The following CENPW variants were observed in gnomAD, a reference collection of about 807,000 sequenced individuals.
The protein encoded by CENPW is centromere protein W, also known as cancer-up-regulated gene 2 protein.
In CENPW, 3 loss-of-function variants were observed where a neutral mutation model predicts 11.1. The observed-to-expected ratio is 0.27, with a 90% CI of 0.12 to 0.70. The LOEUF (loss-of-function observed/expected upper bound fraction) is 0.70, where lower values mean the gene tolerates loss of function less well. Ranked by LOEUF, CENPW falls within the 30% of genes least tolerant of loss-of-function variation. The probability of loss-of-function intolerance (pLI) is 0.77; values close to 1 mark genes in which losing one functional copy is unlikely to be tolerated. For synonymous variants in CENPW, 38 were observed against 42.0 expected, an observed-to-expected ratio of 0.91 and a Z score of 0.37; for missense variants, 100 against 105.6, an observed-to-expected ratio of 0.95 and a Z score of 0.23.
At chr6:126,350,652 T>C (rs1780481120), downstream of CENPW, among the ~76,000 whole-genome samples, 1 of 152,184 alleles carries the variant, frequency 6.6e-6, no homozygotes, top group South Asian at 2.1e-4. Context: ...TATACATTTT[T>C]ATACTTTAAT....
At chr6:126,369,549 C>T in the CENPW span, among the ~76,000 whole-genome samples, 1 of 152,140 alleles carries the variant, frequency 6.6e-6, no homozygotes, top group Non-Finnish European at 1.5e-5. Flanking sequence ...AGCATTGTTT[C>T]ATATGTTTGT....
the CENPW span, among the ~76,000 whole-genome samples, chr6:126,432,571 A>T: frequency 1.3e-5 from 2 of 152,118 alleles, no homozygotes; most frequent in African/African-American, 4.8e-5. Context: ...GACTAATCTG[A>T]TTAGTGGTAG....
chr6:126,471,202 A>G, the CENPW span, among the ~76,000 whole-genome samples: 1 of 152,138 alleles, frequency 6.6e-6, no homozygotes, highest in Non-Finnish European at 1.5e-5. Flanking sequence ...GGAAGGTGAT[A>G]AAATTATGGG....
chr6:126,366,461 T>G, the CENPW span, among the ~76,000 whole-genome samples: 1 of 152,222 alleles, frequency 6.6e-6, no homozygotes, highest in Non-Finnish European at 1.5e-5. Flanking sequence ...CAGTAATCTA[T>G]GTACATTTTT....
At chr6:126,439,263 C>A in the CENPW span, among the ~76,000 whole-genome samples, 1 of 151,652 alleles carries the variant, frequency 6.6e-6, no homozygotes, top group African/African-American at 2.4e-5. Flanking sequence ...TGCTGCTTAT[C>A]TTTTAATTGG....
chr6:126,408,632 T>C, the CENPW span, among the ~76,000 whole-genome samples: 2 of 152,208 alleles, frequency 1.3e-5, no homozygotes, highest in Non-Finnish European at 2.9e-5. Context: ...AAATGGGAGA[T>C]TTTTTATTAC....
the CENPW span, among the ~76,000 whole-genome samples, chr6:126,394,309 T>C: frequency 6.6e-6 from 1 of 152,068 alleles, no homozygotes; most frequent in Non-Finnish European, 1.5e-5. Context: ...TGTATGTTTT[T>C]AGGTTTGAGA....
At chr6:126,424,865 C>G in the CENPW span, among the ~76,000 whole-genome samples, 1 of 152,054 alleles carries the variant, frequency 6.6e-6, no homozygotes, top group African/African-American at 2.4e-5. Flanking sequence ...AATTACCCCT[C>G]AAAACCAGAT....
the CENPW span, among the ~76,000 whole-genome samples, chr6:126,470,116 C>G: frequency 6.6e-6 from 1 of 152,226 alleles, no homozygotes; most frequent in African/African-American, 2.4e-5. Context: ...GAGGAACTGT[C>G]TCAAGGGCAT....
the CENPW span, among the ~76,000 whole-genome samples, chr6:126,462,532 TCACA>T: frequency 3.6e-5 from 4 of 111,834 alleles, no homozygotes; most frequent in Admixed American, 1.1e-4. Flanking sequence ...TCTCTCTCTC[TCACA>T]CACACACACA....
the CENPW span, among the ~76,000 whole-genome samples, chr6:126,445,786 G>A: frequency 1.3e-5 from 2 of 151,090 alleles, no homozygotes; most frequent in South Asian, 2.1e-4. Context: ...TTAAAAAAAT[G>A]TGAATTTATT....
At chr6:126,385,401 A>G in the CENPW span, among the ~76,000 whole-genome samples, 1 of 152,208 alleles carries the variant, frequency 6.6e-6, no homozygotes. Context: ...TGTGGTGCAT[A>G]TACCATGGAA....
chr6:126,460,472 T>G, the CENPW span, among the ~76,000 whole-genome samples: 2 of 151,672 alleles, frequency 1.3e-5, no homozygotes, highest in African/African-American at 2.4e-5. Flanking sequence ...GCATTCTATC[T>G]TTTTAGCCTC....
In CENPW at chr6:126,340,328, C is replaced by G; in HGVS notation, c.55C>G (p.Arg19Gly). ...QRKQIKRKAP[R>G]GFLKRVFKRK... ...GAAGCAGATAAAGCGGAAGGCTCCC[C>G]GTGGCTTTCTAAAGCGAGTCTTCAA... The change falls in exon 1 of 3, where the codon CGT becomes GGT. Residue 19 changes from arginine to glycine, a missense_variant. Transcript: ENST00000368328. The G allele has an allele frequency of 6.2e-7, 1 of 1,614,080 alleles. No homozygotes were observed. The highest frequency in any genetic ancestry group is 1.1e-5 in the South Asian group (1 of 91,060).
the CENPW span, among the ~76,000 whole-genome samples, chr6:126,446,040 ACG>A: frequency 5.3e-5 from 8 of 151,298 alleles, no homozygotes; most frequent in African/African-American, 1.9e-4. Flanking sequence ...CTCAATTGAA[ACG>A]ATCACAATTC....
the CENPW span, among the ~76,000 whole-genome samples, chr6:126,357,231 A>G: frequency 6.6e-6 from 1 of 152,198 alleles, no homozygotes; most frequent in Non-Finnish European, 1.5e-5. Flanking sequence ...TGAAGAGCAG[A>G]TGGCTGTAGG....
At chr6:126,403,874 A>G in the CENPW span, among the ~76,000 whole-genome samples, 1 of 152,124 alleles carries the variant, frequency 6.6e-6, no homozygotes, top group Admixed American at 6.6e-5. Context: ...AGAAGATGCC[A>G]TCTGGGACTT....
the CENPW span, among the ~76,000 whole-genome samples, chr6:126,477,389 C>T: frequency 2.0e-5 from 3 of 151,900 alleles, no homozygotes; most frequent in East Asian, 1.9e-4. Flanking sequence ...AAATGAAATT[C>T]TAACAGGTTT....
At chr6:126,371,383 A>G in the CENPW span, among the ~76,000 whole-genome samples, 3 of 152,146 alleles carry the variant, frequency 2.0e-5, no homozygotes, top group Non-Finnish European at 2.9e-5. Context: ...TATGTGTTGC[A>G]TCACATTTAT....
Sources: allele counts gnomAD v4.1 joint callset (sites outside exome capture counted in the v4.1 genomes callset), GRCh38; gene constraint gnomAD v4.1.1; transcripts MANE v1.5; gene names NCBI Gene and HGNC (gene_info 2026-07-23, HGNC 2026-07-21).